Variants in TSNAX observed in about 807,000 individuals in gnomAD.
TSNAX encodes translin-associated protein X.
Under a neutral mutation model 33.0 loss-of-function variants are expected in TSNAX, and 12 were observed. That is an observed-to-expected ratio of 0.36 (90% CI 0.23 to 0.59). The LOEUF (loss-of-function observed/expected upper bound fraction) is 0.59, where lower values mean the gene tolerates loss of function less well. TSNAX is among the 20% of genes least tolerant of loss of function. The probability of loss-of-function intolerance (pLI) is 0.74; values close to 1 mark genes in which losing one functional copy is unlikely to be tolerated. For missense variants in TSNAX, 267 were observed against 341.3 expected, an observed-to-expected ratio of 0.78 and a Z score of 1.72; for synonymous variants, 110 against 117.2, an observed-to-expected ratio of 0.94 and a Z score of 0.40.
chr1:231,530,481 C>T (rs1765788), intron 2 of TSNAX, among the ~76,000 whole-genome samples: 71,450 of 151,740 alleles, frequency 0.47, 18,403 homozygotes, highest in African/African-American at 0.69. Context: ...GATCACGAGG[C>T]CATGAGTTTG....
chr1:231,532,288 C>T lies in TSNAX; in HGVS notation c.121+2929C>T, dbSNP rs145483195. 9.2e-3 allele frequency among the ~76,000 whole-genome samples: 1,383 copies of T among 150,774 alleles called. 28 individuals are homozygous for T. The highest frequency in any genetic ancestry group is 0.031 in the African/African-American group (1,285 of 40,936). On this transcript the variant is annotated intron_variant, in intron 2 of 5. Transcript: ENST00000366639. ...CTCACTGCAAGCGTAGCCTCTTGGG[C>T]TCAAGTGATCCTCCCACCTCAACCT...
intron 4 of TSNAX, among the ~76,000 whole-genome samples, chr1:231,548,438 A>G (rs907243051): frequency 4.6e-5 from 7 of 152,188 alleles, no homozygotes; most frequent in African/African-American, 1.7e-4. Flanking sequence ...TGCCATTATC[A>G]TATTTTATTC....
chr1:231,533,119 T>G (rs559732939), intron 2 of TSNAX, among the ~76,000 whole-genome samples: 1 of 151,196 alleles, frequency 6.6e-6, no homozygotes, highest in Non-Finnish European at 1.5e-5. Flanking sequence ...CAGACTGGCG[T>G]GCAGTGGTGC....
At position 231,551,333 on chromosome 1, in the gene TSNAX, G is replaced by C. The variant is rs150426037; in HGVS notation, c.367+8722G>C. Among the ~76,000 whole-genome samples, 41 of 152,286 alleles carry C rather than the reference G, an allele frequency of 2.7e-4. 1 individual carries two copies. The highest frequency in any genetic ancestry group is 8.7e-4 in the African/African-American group (36 of 41,562). ...CTTGCTCAGTGAGGTGAAGTAGAAA[G>C]AGATCAACTTTGCCATCAGACCTGG... On this transcript the variant is annotated intron_variant, in intron 4 of 5. Transcript: ENST00000366639.
intron 3 of TSNAX, among the ~76,000 whole-genome samples, chr1:231,537,942 A>T (rs1659291674): frequency 6.6e-6 from 1 of 152,154 alleles, no homozygotes; most frequent in East Asian, 1.9e-4. Flanking sequence ...TTAATATTAG[A>T]TAAATGTTAA....
In TSNAX at chr1:231,561,017, T is replaced by C. The variant is rs1558138545; in HGVS notation, c.368-111T>C. ...TCTAGTACTGGCATTGTAGTAGGCATCCATTAAGCTTTTTTTTGAACTAGA... is the reference window on the plus strand; with the variant it reads ...TCTAGTACTGGCATTGTAGTAGGCACCCATTAAGCTTTTTTTTGAACTAGA... On this transcript the variant is annotated intron_variant, in intron 4 of 5. Coordinates refer to ENST00000366639, the MANE Select transcript of TSNAX (RefSeq NM_005999.3). 4 of 1,034,822 alleles carry C rather than the reference T, an allele frequency of 3.9e-6. No individual in the cohort carries two copies. The East Asian group carries it at 1.1e-4, about 27-fold the overall frequency. 64.1% of individuals were successfully genotyped at this position (1,034,822 alleles called of 1,614,324 possible).
chr1:231,547,417 G>GTC (rs1288857870), intron 4 of TSNAX, among the ~76,000 whole-genome samples: 1 of 129,944 alleles, frequency 7.7e-6, no homozygotes, highest in African/African-American at 3.0e-5. Flanking sequence ...TTGAGATGGA[G>GTC]TCTCACTCTG....
chr1:231,564,505 G>A (rs1424719983), intron 5 of TSNAX, 23 bp from the exon 6 acceptor site: 1 of 1,372,988 alleles, frequency 7.3e-7, no homozygotes, highest in Non-Finnish European at 1.0e-6. Context: ...GTGTGTTTTT[G>A]TTTTGTTTTG....
chr1:231,557,272 A>G (rs1660755106), intron 4 of TSNAX, among the ~76,000 whole-genome samples: 1 of 152,148 alleles, frequency 6.6e-6, no homozygotes, highest in South Asian at 2.1e-4. Context: ...TAGGACTGAT[A>G]GAGGCAGAGA....
intron 5 of TSNAX, among the ~76,000 whole-genome samples, chr1:231,562,555 G>A (rs1427028594): frequency 6.6e-6 from 1 of 152,126 alleles, no homozygotes; most frequent in Non-Finnish European, 1.5e-5. Flanking sequence ...TGATATTAGG[G>A]AAGTTACCAC....
At position 231,566,075 on chromosome 1, in the gene TSNAX, TA is replaced by T. The variant is rs1661412258; in HGVS notation, c.*1174del. The T allele has an allele frequency of 6.6e-6, 1 of 152,410 alleles. No individual in the cohort carries two copies. The highest frequency in any genetic ancestry group is 1.5e-5 in the Non-Finnish European group (1 of 68,018). The allele number at this position is 152,410 out of a possible 1,614,324, so 9.4% of individuals were successfully genotyped here. ...TCTAGCATTTAAATTTAAATTTTAT[TA>T]AAATTAAATAATTTAAATCTAGCAT... On this transcript the variant is annotated 3_prime_UTR_variant, in exon 6 of 6. Coordinates refer to ENST00000366639, the MANE Select transcript of TSNAX (RefSeq NM_005999.3).
rs1661337929 is a variant in TSNAX, at chr1:231,565,016, T to C, written c.*111T>C. The C allele has an allele frequency of 7.7e-7, 1 of 1,295,746 alleles. No homozygotes were observed. The highest frequency in any genetic ancestry group is 1.0e-6 in the Non-Finnish European group (1 of 953,892). The allele number at this position is 1,295,746 out of a possible 1,614,324, so 80.3% of individuals were successfully genotyped here. A position where few individuals can be genotyped will look rare whatever the true frequency, so the allele number is the denominator to read the frequency against. On this transcript the variant is annotated 3_prime_UTR_variant, in exon 6 of 6. Coordinates refer to ENST00000366639, the MANE Select transcript of TSNAX (RefSeq NM_005999.3). ...ATTGTGGCTTTTACATAGAAACATA[T>C]TCAGTTGTACTTGTTTTAAATTGTA...
chr1:231,561,747 A>G (rs772436922), intron 5 of TSNAX, among the ~76,000 whole-genome samples: 3 of 152,204 alleles, frequency 2.0e-5, no homozygotes, highest in Admixed American at 2.0e-4. Context: ...CGCTTCTCAC[A>G]GTGTGCTACA....
chr1:231,549,145 T>A (rs1300385527), intron 4 of TSNAX, among the ~76,000 whole-genome samples: 3 of 152,130 alleles, frequency 2.0e-5, no homozygotes, highest in African/African-American at 7.2e-5. Flanking sequence ...ATGGAATTGA[T>A]GGGAGACTGG....
At chr1:231,549,368 C>T (rs1470674193) in intron 4 of TSNAX, among the ~76,000 whole-genome samples, 2 of 152,028 alleles carry the variant, frequency 1.3e-5, no homozygotes, top group Admixed American at 6.5e-5. Flanking sequence ...TGCAATGAGC[C>T]GAGATTGCAC....
chr1:231,540,555 T>C lies in TSNAX; in HGVS notation c.237-1926T>C, dbSNP rs186212719. Among the ~76,000 whole-genome samples, 382 of 152,326 alleles carry C rather than the reference T, an allele frequency of 2.5e-3. 7 individuals are homozygous for C. The highest frequency in any genetic ancestry group is 8.6e-3 in the African/African-American group (359 of 41,568). On this transcript the variant is annotated intron_variant, in intron 3 of 5. Transcript: ENST00000366639. The stretch of plus-strand genomic sequence containing the variant: ...CCTTTTAAATTTATGGAGCCTTAAT[T>C]TTGGCCCAGGATATGGTCTATCTGG...
intron 4 of TSNAX, among the ~76,000 whole-genome samples, chr1:231,546,798 G>A (rs1415823599): frequency 1.3e-5 from 2 of 152,160 alleles, no homozygotes; most frequent in Non-Finnish European, 2.9e-5. Context: ...CATGCTCTCT[G>A]GGGCTCTGCT....
At chr1:231,533,231 T>C (rs533712341) in intron 2 of TSNAX, among the ~76,000 whole-genome samples, 1 of 152,270 alleles carries the variant, frequency 6.6e-6, no homozygotes, top group South Asian at 2.1e-4. Flanking sequence ...CCCAGGTAGC[T>C]GGGACGACAG....
chr1:231,528,930 C>T, intron 1 of TSNAX, 104 bp downstream of exon 1: 1 of 1,463,734 alleles, frequency 6.8e-7, no homozygotes, highest in African/African-American at 1.4e-5. Context: ...GCCTTCGTCC[C>T]TTGTAGACTC....
Sources: allele counts gnomAD v4.1 joint callset (sites outside exome capture counted in the v4.1 genomes callset), GRCh38; gene constraint gnomAD v4.1.1; transcripts MANE v1.5; gene names NCBI Gene and HGNC (gene_info 2026-07-23, HGNC 2026-07-21).